The following PLXNB2 variants were observed in gnomAD, a reference collection of about 807,000 sequenced individuals.
PLXNB2 encodes plexin B2, also known as plexin-B2.
PLXNB2 carries 85 observed loss-of-function variants against 202.6 expected under a neutral mutation model. That is an observed-to-expected ratio of 0.42 (90% CI 0.35 to 0.50). The LOEUF (loss-of-function observed/expected upper bound fraction) is 0.50. Ranked by LOEUF, PLXNB2 falls within the 20% of genes least tolerant of loss-of-function variation. The pLI is 0.02. For missense variants in PLXNB2, 2,063 were observed against 2,586.2 expected, an observed-to-expected ratio of 0.80 and a Z score of 4.39; for synonymous variants, 1,239 against 1,137.6, an observed-to-expected ratio of 1.09 and a Z score of -1.79.
rs1463739536 is a variant in PLXNB2, at chr22:50,284,549, A to C, written c.2181+24T>G. 6.4e-7 allele frequency: 1 copy of C among 1,558,934 alleles called. No individual in the cohort carries two copies. Among genetic ancestry groups the C allele is most frequent in the East Asian group, 2.5e-5 (1 of 39,528 alleles). ...CCGGGGCCCTGGGGTCCAGCAGCCG[A>C]GCCGGCCTGCCCTGGAGCCGTACCT... On this transcript the variant is annotated intron_variant, in intron 12 of 36. Transcript: ENST00000359337. The surrounding 1 kb of genome is among the most constrained non-coding windows in gnomAD (Gnocchi z 8.0).
intron 26 of PLXNB2, 37 bp downstream of exon 26, chr22:50,279,968 A>G (rs28611220): frequency 0.62 from 938,820 of 1,525,860 alleles, 290,454 homozygotes; most frequent in South Asian, 0.69. Context: ...AGTCTGCCTC[A>G]TCCCTCAAGC....
Position 50,281,922 on chromosome 22 carries a change from G to A in PLXNB2, c.3277C>T (p.Pro1093Ser), listed in dbSNP as rs749573114. 6.2e-7 allele frequency: 1 copy of A among 1,613,084 alleles called. No homozygotes were observed. Among genetic ancestry groups the A allele is most frequent in the Middle Eastern group, 1.6e-4 (1 of 6,062 alleles). The stretch of plus-strand genomic sequence containing the variant: ...GTGAAGTTCTCAAAGGTGGGGTCAG[G>A]CACGTACTCGAAGGCCCCGGCCTCT... ...RTEAGAFEYV[P>S]DPTFENFTGG... The change falls in exon 20 of 37, where the codon CCT becomes TCT. Residue 1093 changes from proline to serine, a missense_variant. Transcript: ENST00000359337.
chr22:50,294,737 T>C lies in PLXNB2; in HGVS notation c.-32A>G. On this transcript the variant is annotated 5_prime_UTR_variant, in exon 2 of 37. Transcript: ENST00000359337. ...TACAGACCCCTCACCGAGGCTCCAG[T>C]GGTCCAGCTCAGTTTCTGCTCCAGG... is the stretch of plus-strand genomic sequence containing the variant. 1.0e-6 allele frequency: 1 copy of C among 985,508 alleles called. No homozygotes were observed. The highest frequency in any genetic ancestry group is 1.2e-6 in the Non-Finnish European group (1 of 829,970). 61.0% of individuals were successfully genotyped at this position (985,508 alleles called of 1,614,324 possible).
intron 1 of PLXNB2, among the ~76,000 whole-genome samples, chr22:50,304,779 G>T (rs2067828313): frequency 6.6e-6 from 1 of 151,620 alleles, no homozygotes; most frequent in Non-Finnish European, 1.5e-5. Flanking sequence ...GAGGGGCTGT[G>T]GCCAGTCCCA....
In PLXNB2 at chr22:50,275,697, T is replaced by C; in HGVS notation, c.*7A>G. 2 of 1,571,064 alleles carry C rather than the reference T, an allele frequency of 1.3e-6. No individual in the cohort carries two copies. Among genetic ancestry groups the C allele is most frequent in the African/African-American group, 1.3e-5 (1 of 74,140 alleles). ...CTATGTCCCAAGGCAGCACTGGAGA[T>C]TGTAGGTCAGAGGTCAGTGACCTTG... On this transcript the variant is annotated 3_prime_UTR_variant, in exon 37 of 37. Coordinates refer to ENST00000359337, the MANE Select transcript of PLXNB2 (RefSeq NM_012401.4).
At chr22:50,302,715 TG>T (rs112374276) in intron 1 of PLXNB2, among the ~76,000 whole-genome samples, 109 of 151,056 alleles carry the variant, frequency 7.2e-4, no homozygotes, top group African/African-American at 2.4e-3. Context: ...TGAGAGGGAG[TG>T]GGGGGGGCCA....
rs536771110 is a variant in PLXNB2, at chr22:50,281,305, C to T, written c.3662+55G>A. 1.3e-3 allele frequency: 2,007 copies of T among 1,598,366 alleles called. 3 individuals carry two copies. Among genetic ancestry groups the T allele is most frequent in the Non-Finnish European group, 1.6e-3 (1,829 of 1,171,448 alleles). ...GGGCGGCGGATGAGGCCAGAGGGGC[C>T]GAGGCGGGAGGGCCGAGGGCTCAGG... On this transcript the variant is annotated intron_variant, in intron 22 of 36. Transcript: ENST00000359337.
chr22:50,289,947 G>A lies in PLXNB2; in HGVS notation c.638C>T (p.Thr213Ile). 1 of 1,613,338 alleles carries A rather than the reference G, an allele frequency of 6.2e-7. No individual in the cohort carries two copies. Among genetic ancestry groups the A allele is most frequent in the Non-Finnish European group, 8.5e-7 (1 of 1,180,040 alleles). ...HATYKAGYLS[T>I]NTQQFVAAFE... ...GGCCGCCACGAACTGCTGTGTGTTG[G>A]TGGACAGGTAGCCGGCCTTGTAGGT... is the stretch of plus-strand genomic sequence containing the variant. Residue 213 changes from threonine to isoleucine, a missense_variant, in exon 3 of 37, where the codon ACC becomes ATC. Around this residue, in one of 2 missense-constraint regions of PLXNB2, gnomAD observed 1,303 missense variants for 1,476.8 expected, o/e 0.88. Coordinates refer to ENST00000359337, the MANE Select transcript of PLXNB2 (RefSeq NM_012401.4). This position sits in a 1 kb window ranked among gnomAD's most constrained non-coding sequence, Gnocchi z 8.0.
Position 50,275,285 on chromosome 22 carries a change from G to C in PLXNB2, c.*419C>G. The C allele has an allele frequency of 2.4e-6, 1 of 422,786 alleles. No individual in the cohort carries two copies. Among genetic ancestry groups the C allele is most frequent in the Non-Finnish European group, 4.7e-6 (1 of 211,722 alleles). The allele number at this position is 422,786 out of a possible 1,614,324, so 26.2% of individuals were successfully genotyped here. ...CCTCCCATCTCGTGGTGGACAGACA[G>C]ACATAGGATCTGGGAACTTGCCCTG... On this transcript the variant is annotated 3_prime_UTR_variant, in exon 37 of 37. Transcript: ENST00000359337.
chr22:50,279,510 C>T (rs1191633525), intron 27 of PLXNB2, 120 bp downstream of exon 27: 9 of 988,266 alleles, frequency 9.1e-6, no homozygotes, highest in East Asian at 2.4e-5. Flanking sequence ...GGCTGTAACT[C>T]GAATCCACAG....
Position 50,279,038 on chromosome 22 carries a change from AG to A in PLXNB2, c.4390-28del, listed in dbSNP as rs745342172. 17 of 1,582,508 alleles carry A rather than the reference AG, an allele frequency of 1.1e-5. No homozygotes were observed. In the South Asian group the frequency reaches 1.9e-4, roughly 17 times the overall value. ...TGCCGAGACATCCGGGATGAAGCCC[AG>A]TGGGAGGCCCTGCTCTTACCTGCAC... On this transcript the variant is annotated intron_variant, in intron 27 of 36. Coordinates refer to ENST00000359337, the MANE Select transcript of PLXNB2 (RefSeq NM_012401.4).
At position 50,281,553 on chromosome 22, in the gene PLXNB2, C is replaced by G. The variant is rs747857184; in HGVS notation, c.3522+13G>C. ...CCCGTGGGGGCACCCCCCGCCAGTC[C>G]CCGCTCACGCACAATGAACTCGGGC... is the stretch of plus-strand genomic sequence containing the variant. On this transcript the variant is annotated intron_variant, in intron 21 of 36. Coordinates refer to ENST00000359337, the MANE Select transcript of PLXNB2 (RefSeq NM_012401.4). 1.9e-6 allele frequency: 3 copies of G among 1,609,644 alleles called. No individual in the cohort carries two copies. Among genetic ancestry groups the G allele is most frequent in the Non-Finnish European group, 2.5e-6 (3 of 1,177,916 alleles).
At chr22:50,281,802 C>G in intron 20 of PLXNB2, 52 bp downstream of exon 20, 1 of 1,581,958 alleles carries the variant, frequency 6.3e-7, no homozygotes, top group Non-Finnish European at 8.6e-7. Flanking sequence ...TGGACCAGCT[C>G]TCAGCCCAGA....
intron 2 of PLXNB2, among the ~76,000 whole-genome samples, chr22:50,292,336 T>TGAAAAAAAA (rs2066932249): frequency 1.8e-5 from 1 of 55,152 alleles, no homozygotes. Context: ...AGACTCTGTC[T>TGAAAAAAAA]CAAAAAAAAA....
Position 50,279,650 on chromosome 22 carries a change from C to T in PLXNB2, c.4369G>A (p.Asp1457Asn). The change falls in exon 27 of 37, where the codon GAT becomes AAT. Residue 1457 changes from aspartate to asparagine, a missense_variant. By Grantham distance (23) the Asp-to-Asn change is conservative. Coordinates refer to ENST00000359337, the MANE Select transcript of PLXNB2 (RefSeq NM_012401.4). ...TLNDTGLLGDDVEYAPLTVSV... is the reference protein window; with the variant it reads ...TLNDTGLLGDNVEYAPLTVSV... Reference sequence around the variant, plus strand: ...CTCACCAGGGGTGCGTACTCCACATCATCCCCCAGCAGCCCCGTGTCGTTG... The same window carrying T: ...CTCACCAGGGGTGCGTACTCCACATTATCCCCCAGCAGCCCCGTGTCGTTG... The T allele has an allele frequency of 6.2e-7, 1 of 1,613,940 alleles. No homozygotes were observed. Among genetic ancestry groups the T allele is most frequent in the Non-Finnish European group, 8.5e-7 (1 of 1,179,982 alleles).
In PLXNB2 at chr22:50,289,179, C is replaced by T; in HGVS notation, c.1069-37G>A. ...AGCGTGTCAATGGCAGGCAGACCCC[C>T]TGTCCTGAAGGGCCCTCTCCACTCG... On this transcript the variant is annotated intron_variant, in intron 3 of 36. Transcript: ENST00000359337. The surrounding 1 kb of genome is among the most constrained non-coding windows in gnomAD (Gnocchi z 8.0). 6.6e-7 allele frequency: 1 copy of T among 1,509,508 alleles called. No individual in the cohort carries two copies. Among genetic ancestry groups the T allele is most frequent in the Non-Finnish European group, 8.9e-7 (1 of 1,128,306 alleles). 93.5% of individuals were successfully genotyped at this position (1,509,508 alleles called of 1,614,324 possible). A position where few individuals can be genotyped will look rare whatever the true frequency, so the allele number is the denominator to read the frequency against.
intron 9 of PLXNB2, 27 bp downstream of exon 9, chr22:50,286,146 T>C: frequency 1.9e-6 from 3 of 1,608,780 alleles, no homozygotes; most frequent in African/African-American, 1.3e-5. Flanking sequence ...ACGGGCAGGG[T>C]GGGGTCGATG....
At position 50,284,859 on chromosome 22, in the gene PLXNB2, G is replaced by A. The variant is rs2147444311; in HGVS notation, c.2089-194C>T. ...AGCCCAAACACCTGTGTCTGCAGAAGCCTCTGAACGTCCTCTGTGGGTTTC... is the reference window on the plus strand; with the variant it reads ...AGCCCAAACACCTGTGTCTGCAGAAACCTCTGAACGTCCTCTGTGGGTTTC... On this transcript the variant is annotated intron_variant, in intron 11 of 36. Transcript: ENST00000359337. The surrounding 1 kb of genome is among the most constrained non-coding windows in gnomAD (Gnocchi z 8.0). The A allele has an allele frequency of 1.4e-6, 1 of 706,898 alleles. No individual in the cohort carries two copies. The highest frequency in any genetic ancestry group is 2.7e-5 in the East Asian group (1 of 36,396). 43.8% of individuals were successfully genotyped at this position (706,898 alleles called of 1,614,324 possible).
chr22:50,298,313 G>A (rs1271710088), intron 1 of PLXNB2, among the ~76,000 whole-genome samples: 1 of 152,042 alleles, frequency 6.6e-6, no homozygotes, highest in Non-Finnish European at 1.5e-5. Flanking sequence ...AGCCTGGGAG[G>A]CAGCAGGAGC....
Sources: gnomAD v4.1 joint callset for allele counts (sites outside exome capture counted in the v4.1 genomes callset) on GRCh38, gnomAD v4.1.1 for gene constraint, gnomAD v4.1.1 regional missense constraint, Gnocchi (gnomAD v3.1) non-coding constraint, MANE v1.5 for transcripts, NCBI Gene and HGNC (gene_info 2026-07-23, HGNC 2026-07-21) for gene names.